The following ANKRD29 variants were observed in gnomAD, a reference collection of about 807,000 sequenced individuals.
ANKRD29 encodes ankyrin repeat domain-containing protein 29.
Under a neutral mutation model 38.0 loss-of-function variants are expected in ANKRD29, and 32 were observed. The observed-to-expected ratio is 0.84, with a 90% CI of 0.64 to 1.13. The LOEUF (loss-of-function observed/expected upper bound fraction) is 1.13. Among genes scored for constraint, ANKRD29 ranks in the 50% most tolerant of loss-of-function variants. The probability of loss-of-function intolerance (pLI) is 0.00; values close to 1 mark genes in which losing one functional copy is unlikely to be tolerated. For missense variants in ANKRD29, 357 were observed against 377.9 expected, an observed-to-expected ratio of 0.94 and a Z score of 0.46; for synonymous variants, 135 against 152.4, an observed-to-expected ratio of 0.89 and a Z score of 0.84.
chr18:23,605,933 TGTAGA>T (rs2059570007), intron 9 of ANKRD29, among the ~76,000 whole-genome samples: 1 of 152,224 alleles, frequency 6.6e-6, no homozygotes, highest in African/African-American at 2.4e-5. Context: ...CTGGTATTTT[TGTAGA>T]GTAATTTACA....
At chr18:23,653,932 A>G (rs765003195) in intron 1 of ANKRD29, among the ~76,000 whole-genome samples, 31 of 151,874 alleles carry the variant, frequency 2.0e-4, no homozygotes, top group Non-Finnish European at 3.7e-4. Flanking sequence ...AAGGTCACGC[A>G]GTAAGGATCT....
chr18:23,658,675 G>A (rs1017467673), intron 1 of ANKRD29, among the ~76,000 whole-genome samples: 1 of 152,208 alleles, frequency 6.6e-6, no homozygotes, highest in African/African-American at 2.4e-5. Context: ...AAATTCATGT[G>A]TTCAAGTCCT....
chr18:23,615,146 A>T (rs895755419), intron 8 of ANKRD29, among the ~76,000 whole-genome samples: 1 of 152,052 alleles, frequency 6.6e-6, no homozygotes, highest in African/African-American at 2.4e-5. Context: ...CTCAGCTGGG[A>T]CTACAGCCAC....
chr18:23,622,119 C>G (rs2059804176), intron 6 of ANKRD29, among the ~76,000 whole-genome samples: 1 of 152,148 alleles, frequency 6.6e-6, no homozygotes, highest in African/African-American at 2.4e-5. Context: ...GGAATGAGGG[C>G]TCAGTGTCCT....
Position 23,617,800 on chromosome 18 carries a change from C to T in ANKRD29, c.655G>A (p.Ala219Thr). 1 of 1,614,056 alleles carries T rather than the reference C, an allele frequency of 6.2e-7. No homozygotes were observed. The stretch of plus-strand genomic sequence containing the variant: ...ATGACATCATTATACCCTTTGTTGG[C>T]TGCTTTCAATAATGCTGTTGTGCCA... ...NDGTTALLKA[A>T]NKGYNDVIKE... The change falls in exon 8 of 10, where the codon GCC becomes ACC. Residue 219 changes from alanine (A) to threonine (T), a missense_variant. Physicochemically the swap from Ala to Thr is moderately conservative, Grantham distance 58. Coordinates refer to ENST00000592179, the MANE Select transcript of ANKRD29 (RefSeq NM_173505.4).
At chr18:23,625,599 T>G (rs779467276) in intron 6 of ANKRD29, among the ~76,000 whole-genome samples, 4 of 152,166 alleles carry the variant, frequency 2.6e-5, no homozygotes, top group Non-Finnish European at 4.4e-5. Context: ...CTGGTTGGAA[T>G]AGGAATGATA....
At chr18:23,618,883 G>A (rs2059757060) in intron 7 of ANKRD29, 2 of 151,376 alleles carry the variant, frequency 1.3e-5, no homozygotes, top group African/African-American at 4.9e-5. Flanking sequence ...GTGAGAGAGA[G>A]GGCAGTGAAA....
chr18:23,601,376 G>GTGGGTCAAATGCCCCTCTTT, intron 9 of ANKRD29, 67 bp from the exon 10 acceptor site: 2 of 1,362,574 alleles, frequency 1.5e-6, no homozygotes, highest in Non-Finnish European at 2.1e-6. Flanking sequence ...ACTCCAAAGA[G>GTGGGTCAAATGCCCCTCTTT]GGGCATTTGA....
intron 5 of ANKRD29, among the ~76,000 whole-genome samples, chr18:23,631,204 C>A (rs943966745): frequency 6.6e-6 from 1 of 151,250 alleles, no homozygotes; most frequent in Admixed American, 6.6e-5. Context: ...TCAAGACCAG[C>A]CCTGGAAACA....
intron 1 of ANKRD29, among the ~76,000 whole-genome samples, chr18:23,659,268 G>C (rs574876667): frequency 2.0e-5 from 3 of 152,342 alleles, no homozygotes; most frequent in Middle Eastern, 3.4e-3. Flanking sequence ...ATGAGCCACT[G>C]TGCCTGGCCC....
intron 9 of ANKRD29, among the ~76,000 whole-genome samples, chr18:23,611,735 C>T (rs776867480): frequency 9.2e-5 from 14 of 152,028 alleles, no homozygotes; most frequent in Non-Finnish European, 1.9e-4. Flanking sequence ...ACACAACGCA[C>T]GTCCATGGGG....
chr18:23,649,545 C>T (rs1051068998), intron 1 of ANKRD29: 7 of 506,160 alleles, frequency 1.4e-5, no homozygotes, highest in African/African-American at 5.7e-5. Context: ...AGGCTCTGCT[C>T]GAATGCTATT....
At position 23,600,036 on chromosome 18, in the gene ANKRD29, C is replaced by T. The variant is rs534176395; in HGVS notation, c.*1190G>A. 3.3e-5 allele frequency: 5 copies of T among 152,264 alleles called. No individual in the cohort carries two copies. The highest frequency in any genetic ancestry group is 5.9e-5 in the Non-Finnish European group (4 of 67,998). 9.4% of individuals were successfully genotyped at this position (152,264 alleles called of 1,614,324 possible). Reference sequence around the variant, plus strand: ...TGTTTAAATAGCAGAAATACCATTGCGTTTATTTTGGTAGATTACAGAAAG... The same window carrying T: ...TGTTTAAATAGCAGAAATACCATTGTGTTTATTTTGGTAGATTACAGAAAG... On this transcript the variant is annotated 3_prime_UTR_variant, in exon 10 of 10. Coordinates refer to ENST00000592179, the MANE Select transcript of ANKRD29 (RefSeq NM_173505.4).
chr18:23,610,460 G>A (rs2145638876), intron 9 of ANKRD29, among the ~76,000 whole-genome samples: 1 of 152,240 alleles, frequency 6.6e-6, no homozygotes, highest in East Asian at 1.9e-4. Context: ...CCTGTCAACA[G>A]AGTGAGACTC....
chr18:23,610,152 G>A (rs137899281), intron 9 of ANKRD29, among the ~76,000 whole-genome samples: 2 of 152,110 alleles, frequency 1.3e-5, no homozygotes, highest in East Asian at 1.9e-4. Context: ...TCCTCTATTC[G>A]TAAACACCAA....
At chr18:23,625,805 A>C (rs1051012088) in intron 6 of ANKRD29, among the ~76,000 whole-genome samples, 1 of 152,036 alleles carries the variant, frequency 6.6e-6, no homozygotes, top group Non-Finnish European at 1.5e-5. Flanking sequence ...TATCCCCATA[A>C]TTTCCAAGCT....
At chr18:23,632,527 G>GTA (rs1313797895) in intron 5 of ANKRD29, among the ~76,000 whole-genome samples, 6 of 60,564 alleles carry the variant, frequency 9.9e-5, no homozygotes, top group African/African-American at 3.7e-4. Flanking sequence ...GTGTGTGTGT[G>GTA]TGTGTGTATA....
intron 6 of ANKRD29, 187 bp from the exon 7 acceptor site, chr18:23,619,816 C>A: frequency 1.9e-6 from 1 of 519,258 alleles, no homozygotes; most frequent in East Asian, 3.3e-5. Context: ...GTGTGTAGCC[C>A]ACGGACGCAG....
At chr18:23,606,901 A>AT (rs1305083845) in intron 9 of ANKRD29, among the ~76,000 whole-genome samples, 2 of 152,218 alleles carry the variant, frequency 1.3e-5, no homozygotes, top group Non-Finnish European at 1.5e-5. Flanking sequence ...AGGGGAGGCC[A>AT]TTAAAGGGTA....
Sources: gnomAD v4.1 joint callset for allele counts (sites outside exome capture counted in the v4.1 genomes callset) on GRCh38, gnomAD v4.1.1 for gene constraint, MANE v1.5 for transcripts, NCBI Gene and HGNC (gene_info 2026-07-23, HGNC 2026-07-21) for gene names.